A1CF: variants seen among roughly 807,000 people sequenced by gnomAD.
The protein encoded by A1CF is APOBEC1 complementation factor.
A neutral mutation model predicts 68.9 loss-of-function variants in A1CF; 48 were observed. The observed-to-expected ratio is 0.70, with a 90% CI of 0.55 to 0.89. The LOEUF is 0.89. Ranked by LOEUF, A1CF falls within the 40% of genes least tolerant of loss-of-function variation. The probability of loss-of-function intolerance (pLI) is 0.00; values close to 1 mark genes in which losing one functional copy is unlikely to be tolerated. For synonymous variants in A1CF, 272 were observed against 260.4 expected (o/e 1.04, Z -0.43); for missense variants, 653 against 718.9 (o/e 0.91, Z 1.05).
intron 1 of A1CF, among the ~76,000 whole-genome samples, chr10:50,866,895 A>T: frequency 6.6e-6 from 1 of 152,156 alleles, no homozygotes; most frequent in East Asian, 1.9e-4. Context: ...TTTTAAAAGA[A>T]AATAGAGATG....
intron 7 of A1CF, among the ~76,000 whole-genome samples, chr10:50,825,871 G>A (rs1023860226): frequency 5.3e-5 from 8 of 152,084 alleles, no homozygotes; most frequent in South Asian, 2.1e-4. Context: ...TCAACTGGGG[G>A]CAATTTTGCC....
intron 12 of A1CF, among the ~76,000 whole-genome samples, chr10:50,807,103 C>T (rs966249729): frequency 6.6e-6 from 1 of 152,162 alleles, no homozygotes; most frequent in African/African-American, 2.4e-5. Flanking sequence ...TGGGGTCAAC[C>T]ACCTGTGTCA....
chr10:50,882,052 A>G (rs1841799914), intron 1 of A1CF, among the ~76,000 whole-genome samples: 2 of 152,366 alleles, frequency 1.3e-5, no homozygotes, highest in South Asian at 4.1e-4. Context: ...TTTTTACAAA[A>G]GGGCATGTTT....
chr10:50,829,962 A>G (rs912945394), intron 6 of A1CF, among the ~76,000 whole-genome samples: 2 of 152,218 alleles, frequency 1.3e-5, no homozygotes, highest in Admixed American at 6.5e-5. Flanking sequence ...GGTATACAAC[A>G]TGATGTTTTG....
intron 8 of A1CF, among the ~76,000 whole-genome samples, chr10:50,818,926 C>T (rs569932647): frequency 6.6e-6 from 1 of 152,122 alleles, no homozygotes; most frequent in African/African-American, 2.4e-5. Flanking sequence ...AGCCTGCTCT[C>T]TGCTCTGGGA....
chr10:50,828,580 T>C (rs1229044260), intron 6 of A1CF: 1 of 256,204 alleles, frequency 3.9e-6, no homozygotes, highest in Non-Finnish European at 7.4e-6. Context: ...CACATTTGGC[T>C]CTTAGAACAA....
At chr10:50,854,263 AT>A (rs1336585313) in intron 3 of A1CF, among the ~76,000 whole-genome samples, 2 of 152,014 alleles carry the variant, frequency 1.3e-5, no homozygotes, top group Admixed American at 6.6e-5. Context: ...TATGTGAATA[AT>A]TTTTTAAAAT....
intron 3 of A1CF, among the ~76,000 whole-genome samples, chr10:50,850,097 A>G (rs1002925088): frequency 5.3e-5 from 8 of 152,104 alleles, no homozygotes; most frequent in African/African-American, 1.9e-4. Context: ...TTGGCTCTTG[A>G]CTTTCATTTA....
At chr10:50,822,508 A>G (rs1261958447) in intron 7 of A1CF, among the ~76,000 whole-genome samples, 2 of 152,188 alleles carry the variant, frequency 1.3e-5, no homozygotes, top group Non-Finnish European at 2.9e-5. Flanking sequence ...ACGTGGTTCA[A>G]TGACTAAGAA....
intron 7 of A1CF, among the ~76,000 whole-genome samples, chr10:50,825,264 G>T (rs1258726686): frequency 6.6e-6 from 1 of 152,064 alleles, no homozygotes; most frequent in East Asian, 1.9e-4. Flanking sequence ...TAATTTGCCA[G>T]GAGACTGGGA....
chr10:50,879,706 C>A (rs1177921928), intron 1 of A1CF, among the ~76,000 whole-genome samples: 1 of 152,116 alleles, frequency 6.6e-6, no homozygotes, highest in South Asian at 2.1e-4. Context: ...GGAAACCACC[C>A]CCATAATCCT....
intron 10 of A1CF, among the ~76,000 whole-genome samples, chr10:50,813,371 G>T (rs1250072221): frequency 6.6e-6 from 1 of 152,116 alleles, no homozygotes; most frequent in Non-Finnish European, 1.5e-5. Context: ...GAGTTAATTT[G>T]GTATGACTGA....
chr10:50,882,041 T>G (rs1841799237), intron 1 of A1CF, among the ~76,000 whole-genome samples: 1 of 152,210 alleles, frequency 6.6e-6, no homozygotes, highest in Non-Finnish European at 1.5e-5. Context: ...AGGACGATGA[T>G]TTTTTACAAA....
intron 3 of A1CF, among the ~76,000 whole-genome samples, chr10:50,858,798 AAT>A (rs1840605317): frequency 2.6e-5 from 4 of 152,144 alleles, no homozygotes; most frequent in Admixed American, 1.3e-4. Context: ...TAAAAAAACT[AAT>A]ATGTCAGTAT....
chr10:50,822,370 G>A (rs73326748), intron 7 of A1CF, among the ~76,000 whole-genome samples: 1,742 of 152,144 alleles, frequency 0.011, 27 homozygotes, highest in African/African-American at 0.04. Flanking sequence ...TGAGAGTGCC[G>A]GGAGACAACA....
At chr10:50,848,910 T>C (rs1437755490) in intron 3 of A1CF, among the ~76,000 whole-genome samples, 1 of 152,216 alleles carries the variant, frequency 6.6e-6, no homozygotes, top group Non-Finnish European at 1.5e-5. Context: ...CTCCTGTGCA[T>C]GGTTCTTAAA....
At chr10:50,820,704 T>C (rs1299411073) in intron 7 of A1CF, 55 bp from the exon 8 acceptor site, 61 of 1,463,414 alleles carry the variant, frequency 4.2e-5, no homozygotes, top group Middle Eastern at 1.8e-4. Flanking sequence ...GCCTTGAAAG[T>C]GATATATTTT....
In A1CF at chr10:50,813,890, T is replaced by G. The variant is rs1262757106; in HGVS notation, c.1290A>C (p.Thr430=). The G allele has an allele frequency of 2.5e-6, 4 of 1,613,902 alleles. No individual in the cohort carries two copies. The highest frequency in any genetic ancestry group is 1.7e-5 in the Admixed American group (1 of 60,002). The change falls in exon 10 of 13, where the codon ACA becomes ACC. Residue 430 remains threonine, a synonymous_variant. Coordinates refer to ENST00000373997, the MANE Select transcript of A1CF (RefSeq NM_014576.4). ...CGAGTTTAATTCCTTGGGGTTTTAA[T>G]GTGACAGGATTCATTGGGGTGAGCT... is the stretch of plus-strand genomic sequence containing the variant. ...GMELTPMNPV[T]LKPQGIKLAP... is the part of the protein sequence containing the mutation.
rs774577374 is a variant in A1CF at position 50,809,954 on chromosome 10, G to T, written c.1549C>A (p.Pro517Thr). 4 of 1,613,894 alleles carry T rather than the reference G, an allele frequency of 2.5e-6. No homozygotes were observed. The African/African-American group carries it at 5.3e-5, about 22-fold the overall frequency. ...AEYTLQTLGI[P>T]TDGGDGTMAT... ...ATGGTGCCATCGCCTCCATCAGTGG[G>T]GATGCCCAGGGTCTGCAGGGTGTAT... The change falls in exon 12 of 13, where the codon CCC becomes ACC. Residue 517 changes from proline (P) to threonine (T), a missense_variant. Transcript: ENST00000373997.
Sources: gnomAD v4.1 joint callset for allele counts (sites outside exome capture counted in the v4.1 genomes callset) on GRCh38, gnomAD v4.1.1 for gene constraint, MANE v1.5 for transcripts, NCBI Gene and HGNC (gene_info 2026-07-23, HGNC 2026-07-21) for gene names.